The following SLFN5 variants were observed in gnomAD, a reference collection of about 807,000 sequenced individuals.
SLFN5 encodes the protein schlafen family member 5.
SLFN5 carries 34 observed loss-of-function variants against 48.5 expected under a neutral mutation model. The observed-to-expected ratio is 0.70, with a 90% CI of 0.53 to 0.93. The LOEUF is 0.93. SLFN5 is among the 40% of genes least tolerant of loss of function. The pLI, the probability that SLFN5 is intolerant of heterozygous loss-of-function variation, is 0.00. For missense variants in SLFN5, 1,006 were observed against 1,071.3 expected (o/e 0.94, Z 0.85); for synonymous variants, 387 against 396.2 (o/e 0.98, Z 0.28).
intron 1 of SLFN5, among the ~76,000 whole-genome samples, chr17:35,248,788 G>T (rs1201064640): frequency 6.6e-6 from 1 of 152,066 alleles, no homozygotes; most frequent in Non-Finnish European, 1.5e-5. Context: ...ATTCACAAAA[G>T]AATTTAGAAT....
chr17:35,253,969 A>G (rs1339637411), intron 1 of SLFN5, among the ~76,000 whole-genome samples: 1 of 152,092 alleles, frequency 6.6e-6, no homozygotes, highest in Non-Finnish European at 1.5e-5. Flanking sequence ...AAGTGCTGGG[A>G]TTACAAGCAT....
Position 35,259,618 on chromosome 17 carries a change from C to T in SLFN5, c.928C>T (p.Pro310Ser). 1 of 1,608,140 alleles carries T rather than the reference C, an allele frequency of 6.2e-7. No individual in the cohort carries two copies. Among genetic ancestry groups the T allele is most frequent in the East Asian group, 2.2e-5 (1 of 44,892 alleles). Residue 310 changes from proline (P) to serine (S), a missense_variant, in exon 2 of 5, where the codon CCT becomes TCT. Coordinates refer to ENST00000299977, the MANE Select transcript of SLFN5 (RefSeq NM_144975.4). ...CTGCTGTGCGGTGTTTGCCAAAGTG[C>T]CTAGTTCCTGGCAGGTGAAGGACAA... is the stretch of plus-strand genomic sequence containing the variant. ...KFCCAVFAKV[P>S]SSWQVKDNRV...
At chr17:35,250,061 A>T (rs112198813) in intron 1 of SLFN5, among the ~76,000 whole-genome samples, 1,984 of 152,034 alleles carry the variant, frequency 0.013, 45 homozygotes, top group African/African-American at 0.045. Flanking sequence ...CCCTAGTAAC[A>T]CTCCTGTCCC....
chr17:35,261,184 C>A, intron 3 of SLFN5, 88 bp downstream of exon 3: 1 of 1,456,086 alleles, frequency 6.9e-7, no homozygotes, highest in South Asian at 1.4e-5. Flanking sequence ...TATACAGAAT[C>A]AATTCCAGAG....
chr17:35,264,707 C>G lies in SLFN5; in HGVS notation c.1663C>G (p.Leu555Val), dbSNP rs755974136. ...SEELGSEVLNLLTNKQYELLS... is the reference protein window; with the variant it reads ...SEELGSEVLNVLTNKQYELLS... ...AGAGCTGGGCTCTGAGGTTTTGAACCTACTGACAAATAAACAGTATGAGTT... is the reference window on the plus strand; with the variant it reads ...AGAGCTGGGCTCTGAGGTTTTGAACGTACTGACAAATAAACAGTATGAGTT... The change falls in exon 4 of 5, where the codon CTA (leucine) becomes GTA (valine). Residue 555 changes from leucine (L) to valine (V), a missense_variant. Transcript: ENST00000299977. The G allele has an allele frequency of 1.2e-6, 2 of 1,608,026 alleles. No individual in the cohort carries two copies. Among genetic ancestry groups the G allele is most frequent in the South Asian group, 1.1e-5 (1 of 90,232 alleles).
At chr17:35,244,435 A>G (rs1015583100) in intron 1 of SLFN5, among the ~76,000 whole-genome samples, 3 of 152,102 alleles carry the variant, frequency 2.0e-5, no homozygotes, top group African/African-American at 7.2e-5. Context: ...CCAAGCCTCT[A>G]GGAGAAGATG....
In SLFN5 at chr17:35,261,023, G is replaced by C. The variant is rs144674966; in HGVS notation, c.1065G>C (p.Thr355=). ...MVLQLSLSSA[T]PRSKPVCIHK... ...TCCAGTTGAGTTTGTCATCTGCCACGCCCCGCAGCAAGCCTGTGTGCATTC... is the reference window on the plus strand; with the variant it reads ...TCCAGTTGAGTTTGTCATCTGCCACCCCCCGCAGCAAGCCTGTGTGCATTC... The change falls in exon 3 of 5, where the codon ACG becomes ACC. Residue 355 remains threonine, a synonymous_variant. Transcript: ENST00000299977. The C allele has an allele frequency of 2.5e-6, 4 of 1,613,896 alleles. No homozygotes were observed. Among genetic ancestry groups the C allele is most frequent in the Non-Finnish European group, 3.4e-6 (4 of 1,179,876 alleles).
rs192358265 is a variant in SLFN5 at position 35,257,423 on chromosome 17, G to C, written c.-40-1228G>C. On this transcript the variant is annotated intron_variant, in intron 1 of 4. Transcript: ENST00000299977. ...ATTCCAGTGGCAATTCTTGGCAGCC[G>C]GACAGGTGGCTTTTCCTGGCAACAC... Among the ~76,000 whole-genome samples, 67 of 152,234 alleles carry C rather than the reference G, an allele frequency of 4.4e-4. 1 individual carries two copies. In the South Asian group the frequency reaches 0.012, roughly 26 times the overall value.
chr17:35,244,104 T>C (rs1002447092), intron 1 of SLFN5, among the ~76,000 whole-genome samples: 1 of 152,304 alleles, frequency 6.6e-6, no homozygotes, highest in East Asian at 1.9e-4. Flanking sequence ...AAAATTTTTT[T>C]CTTGACTCTG....
intron 1 of SLFN5, among the ~76,000 whole-genome samples, chr17:35,253,466 G>T (rs2092447408): frequency 1.3e-5 from 2 of 151,558 alleles, no homozygotes; most frequent in South Asian, 4.2e-4. Context: ...CAATCCACTG[G>T]GCTCAGGAGA....
At position 35,272,777 on chromosome 17, in the gene SLFN5, A is replaced by G. The variant is rs982539431; in HGVS notation, c.*6889A>G. 1 of 152,358 alleles carries G rather than the reference A, an allele frequency of 6.6e-6. No individual in the cohort carries two copies. Among genetic ancestry groups the G allele is most frequent in the African/African-American group, 2.4e-5 (1 of 41,588 alleles). 9.4% of individuals were successfully genotyped at this position (152,358 alleles called of 1,614,324 possible). The stretch of plus-strand genomic sequence containing the variant: ...TAAAATAGCTCCTAAAGATATGGAA[A>G]CATTACTCATGATAGCAGAAGTATC... On this transcript the variant is annotated 3_prime_UTR_variant, in exon 5 of 5. Coordinates refer to ENST00000299977, the MANE Select transcript of SLFN5 (RefSeq NM_144975.4).
chr17:35,262,379 C>CAA (rs559686060), intron 3 of SLFN5, among the ~76,000 whole-genome samples: 6 of 51,258 alleles, frequency 1.2e-4, no homozygotes, highest in African/African-American at 2.1e-4. Flanking sequence ...GACTCCATCT[C>CAA]AAAAAAAAAA....
At position 35,264,188 on chromosome 17, in the gene SLFN5, TCAGA is replaced by T. The variant is rs771463844; in HGVS notation, c.1149_1152del (p.Asp383GlufsTer23). 3.2e-6 allele frequency: 5 copies of T among 1,582,980 alleles called. No individual in the cohort carries two copies. The South Asian group carries it at 3.5e-5, about 11-fold the overall frequency. On this transcript the variant is annotated frameshift_variant, in exon 4 of 5. Transcript: ENST00000299977. LOFTEE classifies it high-confidence loss of function. ...CCCATCCTTTCCCTGTCTAGTATTT[TCAGA>T]CAGAGTGGTATATACTCCAGAAAGC... is the stretch of plus-strand genomic sequence containing the variant.
chr17:35,261,833 AC>A (rs1351205729), intron 3 of SLFN5, among the ~76,000 whole-genome samples: 2 of 150,576 alleles, frequency 1.3e-5, no homozygotes, highest in Non-Finnish European at 3.0e-5. Context: ...ATGCCACCAC[AC>A]CCAGCTAATT....
intron 1 of SLFN5, among the ~76,000 whole-genome samples, chr17:35,251,272 C>T (rs891427407): frequency 6.6e-6 from 1 of 152,200 alleles, no homozygotes; most frequent in African/African-American, 2.4e-5. Context: ...AGGCTTATTT[C>T]TATTGGTTTA....
chr17:35,252,432 A>AC (rs1482824913), intron 1 of SLFN5, among the ~76,000 whole-genome samples: 1 of 152,186 alleles, frequency 6.6e-6, no homozygotes. Flanking sequence ...CTCTAAAAAA[A>AC]CAAAAACCAA....
intron 1 of SLFN5, among the ~76,000 whole-genome samples, chr17:35,252,425 T>TA (rs1205306307): frequency 6.6e-6 from 1 of 152,016 alleles, no homozygotes; most frequent in South Asian, 2.1e-4. Flanking sequence ...GCCCTGTCTC[T>TA]AAAAAAACAA....
chr17:35,264,480 T>C lies in SLFN5; in HGVS notation c.1436T>C (p.Val479Ala). ...IVAYSLKQKL[V>A]NKGGYTGRLC... ...GCCTATTCTTTGAAGCAGAAGCTGGTGAACAAAGGCGGCTACACTGGGAGG... is the reference window on the plus strand; with the variant it reads ...GCCTATTCTTTGAAGCAGAAGCTGGCGAACAAAGGCGGCTACACTGGGAGG... The change falls in exon 4 of 5, where the codon GTG becomes GCG. Residue 479 changes from valine (V) to alanine (A), a missense_variant. Physicochemically the swap from Val to Ala is moderately conservative, Grantham distance 64 (BLOSUM62 0). Transcript: ENST00000299977. 1 of 1,614,176 alleles carries C rather than the reference T, an allele frequency of 6.2e-7. No homozygotes were observed. The highest frequency in any genetic ancestry group is 8.5e-7 in the Non-Finnish European group (1 of 1,180,024).
At chr17:35,247,190 A>T (rs1415085118) in intron 1 of SLFN5, among the ~76,000 whole-genome samples, 1 of 152,234 alleles carries the variant, frequency 6.6e-6, no homozygotes, top group African/African-American at 2.4e-5. Context: ...CAAACTAATC[A>T]TACAGGATGT....
Sources: gnomAD v4.1 joint callset for allele counts (sites outside exome capture counted in the v4.1 genomes callset) on GRCh38, gnomAD v4.1.1 for gene constraint, MANE v1.5 for transcripts, NCBI Gene and HGNC (gene_info 2026-07-23, HGNC 2026-07-21) for gene names.